The following BNC2 variants were observed in gnomAD, a reference collection of about 807,000 sequenced individuals.
BNC2 encodes the protein basonuclin zinc finger protein 2, also known as zinc finger protein basonuclin-2.
Under a neutral mutation model 76.3 loss-of-function variants are expected in BNC2, and 20 were observed. That is an observed-to-expected ratio of 0.26 (90% CI 0.18 to 0.38). The LOEUF (loss-of-function observed/expected upper bound fraction) is 0.38, where lower values mean the gene tolerates loss of function less well. Among genes scored for constraint, BNC2 ranks in the 10% least tolerant of loss-of-function variants. The pLI is 1.00. For synonymous variants in BNC2, 582 were observed against 514.8 expected (o/e 1.13, Z -1.77); for missense variants, 1,382 against 1,399.8 (o/e 0.99, Z 0.20).
intron 3 of BNC2, among the ~76,000 whole-genome samples, chr9:16,592,525 G>C (rs1819958455): frequency 1.3e-5 from 2 of 152,144 alleles, no homozygotes; most frequent in Non-Finnish European, 2.9e-5. Context: ...GCTGCCTTGT[G>C]GGGGATGAGG....
At chr9:16,537,455 A>G (rs1403202211) in intron 5 of BNC2, among the ~76,000 whole-genome samples, 2 of 152,194 alleles carry the variant, frequency 1.3e-5, no homozygotes, top group Non-Finnish European at 2.9e-5. Flanking sequence ...AGCCCTCCTC[A>G]ATAGTTATGT....
intron 4 of BNC2, among the ~76,000 whole-genome samples, chr9:16,558,517 C>A (rs1376024033): frequency 6.6e-6 from 1 of 152,192 alleles, no homozygotes; most frequent in African/African-American, 2.4e-5. Context: ...TGTCCCTCCA[C>A]TACCTCTCCC....
intron 5 of BNC2, 86 bp from the exon 6 acceptor site, chr9:16,437,610 T>C: frequency 6.8e-7 from 1 of 1,466,132 alleles, no homozygotes; most frequent in South Asian, 1.2e-5. Context: ...GAAGGTGCTC[T>C]GTGTGCTCAT....
At position 16,437,225 on chromosome 9, in the gene BNC2, A is replaced by T. The variant is rs1821037033; in HGVS notation, c.969T>A (p.Leu323=). ...ENIPNSLAFL[L]PFQYINPVSA... The stretch of plus-strand genomic sequence containing the variant: ...AGACAGGGTTTATGTACTGGAATGG[A>T]AGCAGAAATGCAAGGCTGTTTGGGA... The change falls in exon 6 of 7, where the codon CTT becomes CTA. Residue 323 remains leucine, a synonymous_variant. Coordinates refer to ENST00000380672, the MANE Select transcript of BNC2 (RefSeq NM_017637.6). 1 of 1,614,152 alleles carries T rather than the reference A, an allele frequency of 6.2e-7. No individual in the cohort carries two copies. Among genetic ancestry groups the T allele is most frequent in the Non-Finnish European group, 8.5e-7 (1 of 1,180,022 alleles).
intron 1 of BNC2, among the ~76,000 whole-genome samples, chr9:16,826,078 G>T (rs1818447989): frequency 6.6e-6 from 1 of 152,080 alleles, no homozygotes; most frequent in South Asian, 2.1e-4. Flanking sequence ...TGCATTCCAA[G>T]CTCCCCGACC....
At chr9:16,473,964 T>A (rs1195021689) in intron 5 of BNC2, among the ~76,000 whole-genome samples, 1 of 152,200 alleles carries the variant, frequency 6.6e-6, no homozygotes, top group Non-Finnish European at 1.5e-5. Flanking sequence ...GGCAATGTCT[T>A]ACCACTCAGG....
intron 3 of BNC2, among the ~76,000 whole-genome samples, chr9:16,617,988 C>T (rs1820758428): frequency 6.6e-6 from 1 of 152,232 alleles, no homozygotes; most frequent in Non-Finnish European, 1.5e-5. Flanking sequence ...CCAGCAATGG[C>T]AGTAAAGCCA....
At chr9:16,673,094 C>G (rs1162269301) in intron 3 of BNC2, among the ~76,000 whole-genome samples, 1 of 151,988 alleles carries the variant, frequency 6.6e-6, no homozygotes, top group Non-Finnish European at 1.5e-5. Flanking sequence ...CTTTAGGTGA[C>G]AGGAGTGCAT....
rs1391588327 is a variant in BNC2, at chr9:16,414,533, C to G, written c.*4456G>C. 2.6e-5 allele frequency: 4 copies of G among 152,148 alleles called. No individual in the cohort carries two copies. Among genetic ancestry groups the G allele is most frequent in the African/African-American group, 9.7e-5 (4 of 41,430 alleles). 9.4% of individuals were successfully genotyped at this position (152,148 alleles called of 1,614,324 possible). A position where few individuals can be genotyped will look rare whatever the true frequency, so the allele number is the denominator to read the frequency against. The stretch of plus-strand genomic sequence containing the variant: ...GTTTGTCATAATTTTAAAAAAGAAG[C>G]TCTTAAGAAAAGGGTGTGACCACAG... On this transcript the variant is annotated 3_prime_UTR_variant, in exon 7 of 7. Coordinates refer to ENST00000380672, the MANE Select transcript of BNC2 (RefSeq NM_017637.6).
intron 1 of BNC2, among the ~76,000 whole-genome samples, chr9:16,748,289 A>G (rs1316000098): frequency 6.6e-6 from 1 of 151,422 alleles, no homozygotes; most frequent in African/African-American, 2.4e-5. Context: ...CGAGGCAGGA[A>G]GACTGTTTGA....
Position 16,837,590 on chromosome 9 carries a change from G to C in BNC2, c.3+33056C>G, listed in dbSNP as rs139734432. Among the ~76,000 whole-genome samples, 558 of 152,344 alleles carry C rather than the reference G, an allele frequency of 3.7e-3. 4 individuals carry two copies. Among genetic ancestry groups the C allele is most frequent in the African/African-American group, 0.013 (523 of 41,586 alleles). ...AAGTTCTTCCATCTCCAGCCTCGAA[G>C]TCGATGTCTGGTGAAGAGGAGGTTC... is the stretch of plus-strand genomic sequence containing the variant. On this transcript the variant is annotated intron_variant, in intron 1 of 6. Coordinates refer to ENST00000380672, the MANE Select transcript of BNC2 (RefSeq NM_017637.6).
At chr9:16,569,574 A>C (rs1819262380) in intron 4 of BNC2, among the ~76,000 whole-genome samples, 1 of 152,198 alleles carries the variant, frequency 6.6e-6, no homozygotes, top group Non-Finnish European at 1.5e-5. Flanking sequence ...TGACTGAGGC[A>C]CACATAAAAG....
At chr9:16,749,500 G>C (rs1462889930) in intron 1 of BNC2, among the ~76,000 whole-genome samples, 2 of 152,060 alleles carry the variant, frequency 1.3e-5, no homozygotes, top group African/African-American at 4.8e-5. Context: ...GGTTGTTTGA[G>C]ATCAGCCTGG....
intron 3 of BNC2, among the ~76,000 whole-genome samples, chr9:16,622,851 A>C (rs1013525197): frequency 6.6e-6 from 1 of 152,118 alleles, no homozygotes; most frequent in African/African-American, 2.4e-5. Flanking sequence ...TCAGGTGACA[A>C]TTTAAGTGCT....
intron 3 of BNC2, among the ~76,000 whole-genome samples, chr9:16,594,937 A>C (rs1345578664): frequency 6.6e-6 from 1 of 152,132 alleles, no homozygotes; most frequent in African/African-American, 2.4e-5. Context: ...GGAGATGTGA[A>C]CAAAACTACA....
intron 2 of BNC2, among the ~76,000 whole-genome samples, chr9:16,736,286 A>G (rs909568591): frequency 6.6e-6 from 1 of 151,678 alleles, no homozygotes; most frequent in African/African-American, 2.4e-5. Flanking sequence ...TTACAAAATT[A>G]TTGAGAAACT....
chr9:16,776,019 AC>A (rs1825956616), intron 1 of BNC2, among the ~76,000 whole-genome samples: 1 of 152,114 alleles, frequency 6.6e-6, no homozygotes, highest in South Asian at 2.1e-4. Flanking sequence ...CAGAAGTGGA[AC>A]CCCGACCAGG....
At chr9:16,668,438 G>C (rs779982882) in intron 3 of BNC2, among the ~76,000 whole-genome samples, 4 of 152,114 alleles carry the variant, frequency 2.6e-5, no homozygotes, top group Non-Finnish European at 4.4e-5. Flanking sequence ...GTCATTCTCC[G>C]ATATGATCTC....
At chr9:16,507,022 G>C (rs1229093163) in intron 5 of BNC2, among the ~76,000 whole-genome samples, 1 of 152,146 alleles carries the variant, frequency 6.6e-6, no homozygotes, top group Non-Finnish European at 1.5e-5. Flanking sequence ...CCAAAGGGCT[G>C]GGATTACAGG....
Sources: gnomAD v4.1 joint callset for allele counts (sites outside exome capture counted in the v4.1 genomes callset) on GRCh38, gnomAD v4.1.1 for gene constraint, MANE v1.5 for transcripts, NCBI Gene and HGNC (gene_info 2026-07-23, HGNC 2026-07-21) for gene names.